LNPEP: variants seen among roughly 807,000 people sequenced by gnomAD.
LNPEP encodes the protein leucyl-cystinyl aminopeptidase.
LNPEP carries 64 observed loss-of-function variants against 120.6 expected under a neutral mutation model. The ratio of observed to expected loss-of-function variants is 0.53; its 90% CI spans 0.43 to 0.65. The LOEUF is 0.65. LNPEP is among the 30% of genes least tolerant of loss of function. LNPEP has a pLI of 0.00. For missense variants in LNPEP, 1,057 were observed against 1,200.0 expected (o/e 0.88, Z 1.76); for synonymous variants, 435 against 425.4 (o/e 1.02, Z -0.28).
chr5:96,961,304 A>G (rs1388706371), intron 1 of LNPEP, among the ~76,000 whole-genome samples: 1 of 152,188 alleles, frequency 6.6e-6, no homozygotes, highest in Non-Finnish European at 1.5e-5. Flanking sequence ...GGGTAGAACT[A>G]AACTTAGCTG....
intron 15 of LNPEP, among the ~76,000 whole-genome samples, chr5:97,026,337 T>C (rs1791338741): frequency 6.6e-6 from 1 of 152,180 alleles, no homozygotes; most frequent in Admixed American, 6.5e-5. Context: ...CGAATTGTAA[T>C]AAATTCTACC....
In LNPEP at chr5:96,985,086, T is replaced by C. The variant is rs569636769; in HGVS notation, c.867T>C (p.Phe289=). ...YTDESNEKKY[F]AATQFEPLAA... ...GAATTTGTGTTTGTTTTAGGTACTT[T>C]GCAGCAACTCAGTTTGAACCCCTGG... is the stretch of plus-strand genomic sequence containing the variant. The change falls in exon 3 of 18, where the codon TTT becomes TTC. Residue 289 remains phenylalanine (F), a synonymous_variant. Transcript: ENST00000231368. 3.1e-6 allele frequency: 5 copies of C among 1,613,954 alleles called. No individual in the cohort carries two copies. Among genetic ancestry groups the C allele is most frequent in the South Asian group, 2.2e-5 (2 of 91,070 alleles).
At chr5:96,987,577 G>A (rs1246761093) in intron 4 of LNPEP, among the ~76,000 whole-genome samples, 1 of 152,086 alleles carries the variant, frequency 6.6e-6, no homozygotes, top group East Asian at 1.9e-4. Flanking sequence ...AGACTATCAC[G>A]TCTATCCCAT....
rs77425904 is a variant in LNPEP at position 96,965,585 on chromosome 5, T to A, written c.20-13553T>A. On this transcript the variant is annotated intron_variant, in intron 1 of 17. Transcript: ENST00000231368. ...TATTATAAAACCATAATTACAAGTT[T>A]AACTAACATAAATCAGCTTGAGAAC... Among the ~76,000 whole-genome samples the A allele has an allele frequency of 4.0e-3, 607 of 152,262 alleles. 3 individuals carry two copies. Among genetic ancestry groups the A allele is most frequent in the African/African-American group, 0.014 (590 of 41,564 alleles).
chr5:96,944,560 C>CTTTTTTTTT lies in LNPEP; in HGVS notation c.19+8404_19+8412dup, dbSNP rs60017687. 4.4e-4 allele frequency among the ~76,000 whole-genome samples: 25 copies of CTTTTTTTTT among 56,358 alleles called. 1 individual carries two copies. Among genetic ancestry groups the CTTTTTTTTT allele is most frequent in the Non-Finnish European group, 6.6e-4 (20 of 30,086 alleles). The allele number at this position is 56,358 out of a possible 152,430, so 37.0% of individuals were successfully genotyped here. Reference sequence around the variant, plus strand: ...TTCTTTTTTGTTTTTCTTATTTTTGCTTTTTTTTTTTTTTTTTTTTTTTTT... The same window carrying CTTTTTTTTT: ...TTCTTTTTTGTTTTTCTTATTTTTGCTTTTTTTTTTTTTTTTTTTTTTTTTTTTTTTTTT... On this transcript the variant is annotated intron_variant, in intron 1 of 17. Transcript: ENST00000231368.
At chr5:97,013,432 C>T (rs1790987450) in intron 11 of LNPEP, among the ~76,000 whole-genome samples, 1 of 152,156 alleles carries the variant, frequency 6.6e-6, no homozygotes, top group South Asian at 2.1e-4. Context: ...ATTTCCAGCA[C>T]CTAGCTTACA....
Position 97,015,018 on chromosome 5 carries a change from G to A in LNPEP, c.2299G>A (p.Glu767Lys), listed in dbSNP as rs778308598. The change falls in exon 13 of 18, where the codon GAA (glutamate) becomes AAA (lysine). Residue 767 changes from glutamate (E) to lysine (K), a missense_variant. Glu to Lys is a moderately conservative substitution (Grantham distance 56). Coordinates refer to ENST00000231368, the MANE Select transcript of LNPEP (RefSeq NM_005575.3). ...TGAGAACCATACTGCACCCATCACC[G>A]AAGCCCTGTTTCAGACAGACCTCAT... Reference protein sequence around the residue: ...GNENHTAPITEALFQTDLIYN... With the variant: ...GNENHTAPITKALFQTDLIYN... 5 of 1,604,144 alleles carry A rather than the reference G, an allele frequency of 3.1e-6. No individual in the cohort carries two copies. The highest frequency in any genetic ancestry group is 1.7e-5 in the Admixed American group (1 of 58,914).
chr5:97,004,511 C>CAA (rs200476030), intron 9 of LNPEP, among the ~76,000 whole-genome samples: 3 of 71,668 alleles, frequency 4.2e-5, no homozygotes, highest in Non-Finnish European at 5.8e-5. Context: ...GACTCTGTCT[C>CAA]AAAAAAAAAA....
rs1791180623 is a variant in LNPEP at position 97,020,981 on chromosome 5, G to A, written c.2377-1319G>A. Among the ~76,000 whole-genome samples, 8 of 152,232 alleles carry A rather than the reference G, an allele frequency of 5.3e-5. No homozygotes were observed. The South Asian group carries it at 1.7e-3, about 32-fold the overall frequency. On this transcript the variant is annotated intron_variant, in intron 13 of 17. Coordinates refer to ENST00000231368, the MANE Select transcript of LNPEP (RefSeq NM_005575.3). ...CTTCGACATGGTATTAACAGGTTTG[G>A]TGTTTTTATTTTGGAGAGAGATGAA...
At chr5:96,972,751 G>C (rs78639182) in intron 1 of LNPEP, among the ~76,000 whole-genome samples, 2,301 of 152,086 alleles carry the variant, frequency 0.015, 51 homozygotes, top group South Asian at 0.088. Flanking sequence ...ATGATAATCT[G>C]GTACCAATTA....
chr5:96,990,293 C>T (rs1230557024), intron 4 of LNPEP, among the ~76,000 whole-genome samples: 1 of 152,108 alleles, frequency 6.6e-6, no homozygotes, highest in Non-Finnish European at 1.5e-5. Flanking sequence ...TAGGCGGTGA[C>T]TGAATTCAGT....
intron 1 of LNPEP, chr5:96,962,535 G>C (rs1789628878): frequency 6.6e-6 from 1 of 152,066 alleles, no homozygotes; most frequent in Admixed American, 6.6e-5. Flanking sequence ...TCTTATAAAT[G>C]AGCAAACTGA....
chr5:96,940,629 A>T (rs1789028740), intron 1 of LNPEP, among the ~76,000 whole-genome samples: 2 of 152,262 alleles, frequency 1.3e-5, no homozygotes, highest in South Asian at 4.1e-4. Context: ...ACTGTTCATA[A>T]CTGTTTGCAT....
chr5:97,027,606 C>T, intron 16 of LNPEP, 127 bp from the exon 17 acceptor site: 2 of 632,774 alleles, frequency 3.2e-6, no homozygotes. Context: ...CCCCGGTTTC[C>T]TCAGTTGCAG....
chr5:96,971,056 AT>A (rs1323897523), intron 1 of LNPEP, among the ~76,000 whole-genome samples: 1 of 151,986 alleles, frequency 6.6e-6, no homozygotes, highest in East Asian at 1.9e-4. Flanking sequence ...CTTGAGGAAA[AT>A]GTGTTCTAAA....
chr5:96,991,207 C>T (rs1790381882), intron 4 of LNPEP, among the ~76,000 whole-genome samples: 1 of 152,194 alleles, frequency 6.6e-6, no homozygotes, highest in South Asian at 2.1e-4. Context: ...ATAATCGTCC[C>T]CAATTCCATC....
rs1791412345 is a variant in LNPEP at position 97,028,883 on chromosome 5, G to A, written c.*350G>A. On this transcript the variant is annotated 3_prime_UTR_variant, in exon 18 of 18. Coordinates refer to ENST00000231368, the MANE Select transcript of LNPEP (RefSeq NM_005575.3). ...GAAAGTTACTGACACAGTAAAACAA[G>A]GAAAGTTCTACCCTAAGAGCCGCCA... is the stretch of plus-strand genomic sequence containing the variant. 1 of 194,330 alleles carries A rather than the reference G, an allele frequency of 5.1e-6. No homozygotes were observed. The highest frequency in any genetic ancestry group is 5.8e-5 in the Admixed American group (1 of 17,374). 12.0% of individuals were successfully genotyped at this position (194,330 alleles called of 1,614,324 possible). A position where few individuals can be genotyped will look rare whatever the true frequency, so the allele number is the denominator to read the frequency against.
intron 3 of LNPEP, 130 bp downstream of exon 3, chr5:96,985,348 T>C: frequency 1.3e-6 from 1 of 744,600 alleles, no homozygotes; most frequent in Non-Finnish European, 2.0e-6. Flanking sequence ...TTCCTTAAAA[T>C]ACTTAAATAA....
At chr5:96,949,773 A>G (rs909385638) in intron 1 of LNPEP, among the ~76,000 whole-genome samples, 11 of 152,248 alleles carry the variant, frequency 7.2e-5, no homozygotes, top group Admixed American at 1.3e-4. Flanking sequence ...GGCGTCTAAC[A>G]TAGTGTTTTG....
Sources: gnomAD v4.1 joint callset for allele counts (sites outside exome capture counted in the v4.1 genomes callset) on GRCh38, gnomAD v4.1.1 for gene constraint, MANE v1.5 for transcripts, NCBI Gene and HGNC (gene_info 2026-07-23, HGNC 2026-07-21) for gene names.